Variants in MCM3 observed in about 807,000 individuals in gnomAD.
The protein encoded by MCM3 is minichromosome maintenance complex component 3.
Under a neutral mutation model 91.3 loss-of-function variants are expected in MCM3, and 59 were observed. The observed-to-expected ratio is 0.65, with a 90% CI of 0.52 to 0.80. The LOEUF (loss-of-function observed/expected upper bound fraction) is 0.80. Ranked by LOEUF, MCM3 falls within the 30% of genes least tolerant of loss-of-function variation. The pLI, the probability that MCM3 is intolerant of heterozygous loss-of-function variation, is 0.00. For synonymous variants in MCM3, 383 were observed against 379.6 expected (o/e 1.01, Z -0.10); for missense variants, 919 against 1,035.4 (o/e 0.89, Z 1.54).
At chr6:52,272,580 T>C (rs1480233951) in intron 11 of MCM3, 129 bp from the exon 12 acceptor site, 7 of 822,782 alleles carry the variant, frequency 8.5e-6, no homozygotes, top group Admixed American at 2.7e-5. Flanking sequence ...CTCCCATTTA[T>C]ATGGAACATA....
At chr6:52,279,919 C>T (rs1220059453) in intron 4 of MCM3, among the ~76,000 whole-genome samples, 1 of 152,202 alleles carries the variant, frequency 6.6e-6, no homozygotes, top group African/African-American at 2.4e-5. Flanking sequence ...GAAACATTCA[C>T]CCAAAGCCAT....
intron 12 of MCM3, among the ~76,000 whole-genome samples, chr6:52,270,586 C>T (rs1043452629): frequency 1.3e-5 from 2 of 152,048 alleles, no homozygotes; most frequent in African/African-American, 4.8e-5. Context: ...ATTCTTAAAC[C>T]ACCTAAAAAG....
chr6:52,277,333 C>T, intron 7 of MCM3, 135 bp from the exon 8 acceptor site: 2 of 1,021,074 alleles, frequency 2.0e-6, no homozygotes, highest in South Asian at 3.4e-5. Flanking sequence ...TCGCTTTTCC[C>T]TTCACCACTC....
intron 12 of MCM3, among the ~76,000 whole-genome samples, chr6:52,271,233 A>G (rs956955780): frequency 1.3e-5 from 2 of 152,166 alleles, no homozygotes; most frequent in African/African-American, 4.8e-5. Context: ...GCTTGAGTAG[A>G]TGATCTGGGA....
intron 3 of MCM3, among the ~76,000 whole-genome samples, chr6:52,282,407 T>C (rs893427662): frequency 1.3e-5 from 2 of 151,842 alleles, no homozygotes; most frequent in Non-Finnish European, 2.9e-5. Flanking sequence ...GAGTTAGAGG[T>C]TGGAATTAGA....
chr6:52,276,602 C>T (rs1765588949), intron 8 of MCM3, 126 bp from the exon 9 acceptor site: 4 of 771,860 alleles, frequency 5.2e-6, no homozygotes, highest in Admixed American at 2.8e-5. Flanking sequence ...GGTGTGTTGG[C>T]TCCGAGAAAC....
rs1030311922 is a variant in MCM3 at position 52,266,685 on chromosome 6, C to T, written c.2084G>A (p.Arg695His). 6.2e-7 allele frequency: 1 copy of T among 1,613,930 alleles called. No homozygotes were observed. The highest frequency in any genetic ancestry group is 8.5e-7 in the Non-Finnish European group (1 of 1,179,864). Residue 695 changes from arginine to histidine, a missense_variant, in exon 15 of 17, where the codon CGC (arginine) becomes CAC (histidine). This residue lies in a region of MCM3 where 285 missense variants were observed against 311.4 expected (regional missense o/e 0.92). Transcript: ENST00000596288. The stretch of plus-strand genomic sequence containing the variant: ...ATCCCCATCTTTGGCATCTGGCTGG[C>T]GAGTCTTCCTTCTAAAATACCCACA... ...QEQKRKRRKT[R>H]QPDAKDGDSY...
chr6:52,283,138 G>T (rs927915399), intron 2 of MCM3, among the ~76,000 whole-genome samples, 156 bp downstream of exon 2: 3 of 136,352 alleles, frequency 2.2e-5, no homozygotes, highest in East Asian at 2.2e-4. Flanking sequence ...CCCACTTTTT[G>T]AAAAAAAAAA....
At chr6:52,266,556 A>C in intron 15 of MCM3, 55 bp downstream of exon 15, 1 of 1,507,426 alleles carries the variant, frequency 6.6e-7, no homozygotes, top group Non-Finnish European at 9.2e-7. Flanking sequence ...GAGCAACTGG[A>C]AAAGTCCAAG....
At position 52,284,712 on chromosome 6, in the gene MCM3, G is replaced by T. The variant is rs201433040; in HGVS notation, c.-38C>A. On this transcript the variant is annotated 5_prime_UTR_variant, in exon 1 of 17. Coordinates refer to ENST00000596288, the MANE Select transcript of MCM3 (RefSeq NM_002388.6). Reference sequence around the variant, plus strand: ...AGAACTACCTCCACCAAAGTCGCGTGGAGGTTCCCAGGATGACTCCACCCC... The same window carrying T: ...AGAACTACCTCCACCAAAGTCGCGTTGAGGTTCCCAGGATGACTCCACCCC... 1.3e-6 allele frequency: 2 copies of T among 1,586,118 alleles called. No homozygotes were observed. Among genetic ancestry groups the T allele is most frequent in the Admixed American group, 1.8e-5 (1 of 55,046 alleles).
intron 9 of MCM3, among the ~76,000 whole-genome samples, chr6:52,275,220 A>C (rs977939908): frequency 3.3e-5 from 5 of 152,206 alleles, no homozygotes; most frequent in African/African-American, 1.2e-4. Context: ...ATGTATAAAA[A>C]ACACCATCGC....
intron 8 of MCM3, 25 bp from the exon 9 acceptor site, chr6:52,276,501 C>T (rs755499998): frequency 3.1e-6 from 5 of 1,592,796 alleles, no homozygotes; most frequent in African/African-American, 1.3e-5. Context: ...GGTAAAAATA[C>T]GTGCTACAGT....
rs539131285 is a variant in MCM3 at position 52,264,489 on chromosome 6, A to G, written c.*99T>C. On this transcript the variant is annotated 3_prime_UTR_variant, in exon 17 of 17. Coordinates refer to ENST00000596288, the MANE Select transcript of MCM3 (RefSeq NM_002388.6). ...TTCCTCGCCTTCAGTTGAATTCAACACTGTTAAGGGAGTAGAGGCAAAGAC... is the reference window on the plus strand; with the variant it reads ...TTCCTCGCCTTCAGTTGAATTCAACGCTGTTAAGGGAGTAGAGGCAAAGAC... The G allele has an allele frequency of 5.0e-5, 64 of 1,284,420 alleles. No homozygotes were observed. In the African/African-American group the frequency reaches 7.9e-4, roughly 16 times the overall value. 79.6% of individuals were successfully genotyped at this position (1,284,420 alleles called of 1,614,324 possible).
Position 52,264,496 on chromosome 6 carries a change from AG to A in MCM3, c.*91del. 3 of 1,354,774 alleles carry A rather than the reference AG, an allele frequency of 2.2e-6. No homozygotes were observed. Among genetic ancestry groups the A allele is most frequent in the Non-Finnish European group, 3.1e-6 (3 of 954,840 alleles). The allele number at this position is 1,354,774 out of a possible 1,614,324, so 83.9% of individuals were successfully genotyped here. A position where few individuals can be genotyped will look rare whatever the true frequency, so the allele number is the denominator to read the frequency against. On this transcript the variant is annotated 3_prime_UTR_variant, in exon 17 of 17. Transcript: ENST00000596288. Reference sequence around the variant, plus strand: ...CCTTCAGTTGAATTCAACACTGTTAAGGGAGTAGAGGCAAAGACTTGGGTCA... The same window carrying A: ...CCTTCAGTTGAATTCAACACTGTTAAGGAGTAGAGGCAAAGACTTGGGTCA...
rs188627933 is a variant in MCM3, at chr6:52,268,409, T to C, written c.1969-441A>G. ...TTTATCAGACTTACAACTCAACCCT[T>C]AACCTAGCAAAAAGTGAGGACGAGT... On this transcript the variant is annotated intron_variant, in intron 13 of 16. Transcript: ENST00000596288. Among the ~76,000 whole-genome samples the C allele has an allele frequency of 1.4e-4, 21 of 151,978 alleles. No homozygotes were observed. In the East Asian group the frequency reaches 3.9e-3, roughly 28 times the overall value.
chr6:52,269,275 C>T (rs1764906138), intron 12 of MCM3, 49 bp from the exon 13 acceptor site: 1 of 1,569,756 alleles, frequency 6.4e-7, no homozygotes, highest in African/African-American at 1.3e-5. Flanking sequence ...TTAGGCATGC[C>T]CATCAATCCT....
intron 6 of MCM3, 24 bp downstream of exon 6, chr6:52,278,718 C>T: frequency 6.5e-7 from 1 of 1,548,664 alleles, no homozygotes; most frequent in Non-Finnish European, 8.9e-7. Context: ...TTCCCACCCT[C>T]AAATTTCTAA....
chr6:52,267,716 C>T, intron 14 of MCM3, 149 bp downstream of exon 14: 1 of 629,660 alleles, frequency 1.6e-6, no homozygotes, highest in Admixed American at 2.5e-5. Flanking sequence ...TTTGTAGAGA[C>T]AGTTTTGCCA....
chr6:52,283,267 C>G (rs1328685012), intron 2 of MCM3, 27 bp downstream of exon 2: 2 of 1,578,248 alleles, frequency 1.3e-6, no homozygotes, highest in Non-Finnish European at 1.7e-6. Context: ...TTCTCACTGA[C>G]AGCCAGTATA....
Sources: gnomAD v4.1 joint callset for allele counts (sites outside exome capture counted in the v4.1 genomes callset) on GRCh38, gnomAD v4.1.1 for gene constraint, gnomAD v4.1.1 regional missense constraint, MANE v1.5 for transcripts, NCBI Gene and HGNC (gene_info 2026-07-23, HGNC 2026-07-21) for gene names.